UBE3B: variants seen among roughly 807,000 people sequenced by gnomAD.
UBE3B encodes ubiquitin protein ligase E3B, also known as ubiquitin-protein ligase E3B.
In UBE3B, 80 loss-of-function variants were observed where a neutral mutation model predicts 132.3. The ratio of observed to expected loss-of-function variants is 0.60; its 90% CI spans 0.50 to 0.73. The LOEUF (loss-of-function observed/expected upper bound fraction) is 0.73. Among genes scored for constraint, UBE3B ranks in the 30% least tolerant of loss-of-function variants. The pLI is 0.00. For synonymous variants in UBE3B, 487 were observed against 520.4 expected (o/e 0.94, Z 0.87); for missense variants, 1,196 against 1,362.5 (o/e 0.88, Z 1.92).
chr12:109,491,254 TG>T (rs2135846061), intron 9 of UBE3B, 127 bp downstream of exon 9: 2 of 794,682 alleles, frequency 2.5e-6, no homozygotes, highest in East Asian at 5.6e-5. Context: ...TGGGAAGCAT[TG>T]TTCTTAATGA....
chr12:109,524,611 T>A, intron 23 of UBE3B, 108 bp downstream of exon 23: 1 of 1,267,244 alleles, frequency 7.9e-7, no homozygotes, highest in South Asian at 1.3e-5. Context: ...AGGCTCTGTC[T>A]GGTCCCTTGT....
At chr12:109,528,501 A>G in intron 24 of UBE3B, 1 of 985,118 alleles carries the variant, frequency 1.0e-6, no homozygotes, top group African/African-American at 1.7e-5. Context: ...TTTGGACTCT[A>G]CTGATTTGGA....
chr12:109,537,127 G>A (rs919317267), downstream of UBE3B, among the ~76,000 whole-genome samples: 1 of 152,116 alleles, frequency 6.6e-6, no homozygotes, highest in Non-Finnish European at 1.5e-5. Context: ...TAAGATTACT[G>A]GCATGAGCCA....
chr12:109,495,131 C>G (rs565232192), intron 9 of UBE3B, among the ~76,000 whole-genome samples: 7 of 152,310 alleles, frequency 4.6e-5, no homozygotes, highest in Middle Eastern at 3.4e-3. Flanking sequence ...AGTTGGTTAG[C>G]CTCACCTAGA....
chr12:109,490,959 G>A, intron 8 of UBE3B, 86 bp from the exon 9 acceptor site: 1 of 1,395,184 alleles, frequency 7.2e-7, no homozygotes, highest in Non-Finnish European at 9.9e-7. Flanking sequence ...TTTATCTGAA[G>A]CACTCAGTTT....
chr12:109,534,990 G>A lies in UBE3B; in HGVS notation c.*208G>A. 4.9e-6 allele frequency: 2 copies of A among 405,776 alleles called. No homozygotes were observed. The highest frequency in any genetic ancestry group is 8.6e-6 in the Non-Finnish European group (2 of 231,562). The allele number at this position is 405,776 out of a possible 1,614,324, so 25.1% of individuals were successfully genotyped here. Reference sequence around the variant, plus strand: ...ATCTCCAGGTGATGCCCAAGGCACAGGGCTGCAGAAAATAAACCTCCAGAT... The same window carrying A: ...ATCTCCAGGTGATGCCCAAGGCACAAGGCTGCAGAAAATAAACCTCCAGAT... On this transcript the variant is annotated 3_prime_UTR_variant, in exon 28 of 28. Transcript: ENST00000342494. This position sits in a 1 kb window ranked among gnomAD's most constrained non-coding sequence, Gnocchi z 5.2.
the UBE3B span, among the ~76,000 whole-genome samples, chr12:109,542,028 G>A: frequency 6.6e-6 from 1 of 152,224 alleles, no homozygotes; most frequent in African/African-American, 2.4e-5. Flanking sequence ...TGGACAGATT[G>A]TTCAGGGGGA....
At chr12:109,480,667 CTT>C (rs952441912) in intron 1 of UBE3B, among the ~76,000 whole-genome samples, 4 of 148,212 alleles carry the variant, frequency 2.7e-5, no homozygotes, top group Non-Finnish European at 6.0e-5. Flanking sequence ...AAAAAAAAGA[CTT>C]AGACATTCTC....
At chr12:109,507,210 C>T (rs1481360429) in intron 14 of UBE3B, among the ~76,000 whole-genome samples, 2 of 152,234 alleles carry the variant, frequency 1.3e-5, no homozygotes, top group South Asian at 4.1e-4. Flanking sequence ...GAGTTCTATT[C>T]CTGGCTCTGA....
At chr12:109,491,328 T>A in intron 9 of UBE3B, 1 of 430,674 alleles carries the variant, frequency 2.3e-6, no homozygotes, top group Non-Finnish European at 4.1e-6. Flanking sequence ...TATTTCTTAA[T>A]CTTCAGCCCT....
intron 19 of UBE3B, chr12:109,517,964 C>T (rs1415182887): frequency 4.5e-6 from 2 of 447,826 alleles, no homozygotes; most frequent in Non-Finnish European, 9.0e-6. Flanking sequence ...CCGAGAGCTG[C>T]TAGGAAGGCA....
At chr12:109,501,292 C>T in intron 12 of UBE3B, 79 bp from the exon 13 acceptor site, 5 of 1,561,552 alleles carry the variant, frequency 3.2e-6, no homozygotes, top group Middle Eastern at 1.7e-4. Context: ...GAGTGGAAGG[C>T]CATTAGGAAC....
At chr12:109,524,599 T>A (rs1015039334) in intron 23 of UBE3B, 96 bp downstream of exon 23, 8 of 1,390,610 alleles carry the variant, frequency 5.8e-6, no homozygotes, top group Non-Finnish European at 8.0e-6. Context: ...AGCCCCAAGC[T>A]GAGGCTCTGT....
chr12:109,521,092 AATT>A lies in UBE3B; in HGVS notation c.2077-55_2077-53del. ...TTCGCACAGAGGAGAGGGAACCCCGAATTGTGTGCATAAGGCTTTGGGCTTCCT... is the reference window on the plus strand; with the variant it reads ...TTCGCACAGAGGAGAGGGAACCCCGAGTGTGCATAAGGCTTTGGGCTTCCT... On this transcript the variant is annotated intron_variant, in intron 19 of 27. Transcript: ENST00000342494. The surrounding 1 kb of genome is among the most constrained non-coding windows in gnomAD (Gnocchi z 4.2). 6.3e-7 allele frequency: 1 copy of A among 1,591,522 alleles called. No individual in the cohort carries two copies. The highest frequency in any genetic ancestry group is 8.6e-7 in the Non-Finnish European group (1 of 1,164,058).
intron 12 of UBE3B, among the ~76,000 whole-genome samples, chr12:109,500,671 C>A (rs893485231): frequency 6.6e-6 from 1 of 152,162 alleles, no homozygotes; most frequent in African/African-American, 2.4e-5. Flanking sequence ...GCCTGCTCTC[C>A]GCTCCACTTC....
intron 26 of UBE3B, among the ~76,000 whole-genome samples, chr12:109,530,916 G>T (rs1277073830): frequency 1.3e-5 from 2 of 152,174 alleles, no homozygotes; most frequent in African/African-American, 4.8e-5. Flanking sequence ...GTTGTGCTCG[G>T]CACTCCGTCC....
intron 16 of UBE3B, 71 bp downstream of exon 16, chr12:109,509,785 A>G: frequency 2.2e-6 from 2 of 917,492 alleles, no homozygotes; most frequent in South Asian, 3.5e-5. Context: ...CTATGGCATC[A>G]ACTGATTCTT....
At position 109,491,097 on chromosome 12, in the gene UBE3B, C is replaced by T; in HGVS notation, c.683C>T (p.Thr228Ile). ...ARPRPCLSKG[T>I]LTAAFSLALR... ...CCCCGTCCTTGTCTATCCAAAGGCA[C>T]TTTAACAGCAGCTTTTTCTCTAGCG... The change falls in exon 9 of 28, where the codon ACT becomes ATT. Residue 228 changes from threonine (T) to isoleucine (I), a missense_variant. By Grantham distance (89) the Thr-to-Ile change is moderately conservative (BLOSUM62 -1). Coordinates refer to ENST00000342494, the MANE Select transcript of UBE3B (RefSeq NM_130466.4). The T allele has an allele frequency of 1.9e-6, 3 of 1,614,080 alleles. No individual in the cohort carries two copies. The highest frequency in any genetic ancestry group is 2.5e-6 in the Non-Finnish European group (3 of 1,179,944).
chr12:109,481,318 A>C (rs1370108192), intron 1 of UBE3B, among the ~76,000 whole-genome samples: 1 of 152,130 alleles, frequency 6.6e-6, no homozygotes, highest in African/African-American at 2.4e-5. Context: ...TATCTCAAAA[A>C]AAAAAAAAAG....
Sources: gnomAD v4.1 joint callset for allele counts (sites outside exome capture counted in the v4.1 genomes callset) on GRCh38, gnomAD v4.1.1 for gene constraint, Gnocchi (gnomAD v3.1) non-coding constraint, MANE v1.5 for transcripts, NCBI Gene and HGNC (gene_info 2026-07-23, HGNC 2026-07-21) for gene names.